Variants in SORCS1 observed in about 807,000 individuals in gnomAD.
SORCS1 encodes VPS10 domain-containing receptor SorCS1.
Under a neutral mutation model 146.1 loss-of-function variants are expected in SORCS1, and 60 were observed. That is an observed-to-expected ratio of 0.41 (90% CI 0.33 to 0.51). SORCS1 has a LOEUF of 0.51. Among genes scored for constraint, SORCS1 ranks in the 20% least tolerant of loss-of-function variants. The probability of loss-of-function intolerance (pLI) is 0.21; values close to 1 mark genes in which losing one functional copy is unlikely to be tolerated. For synonymous variants in SORCS1, 637 were observed against 584.0 expected, an observed-to-expected ratio of 1.09 and a Z score of -1.31; for missense variants, 1,352 against 1,487.6, an observed-to-expected ratio of 0.91 and a Z score of 1.50.
chr10:107,163,649 TAGG>T (rs1384589138), intron 1 of SORCS1, among the ~76,000 whole-genome samples: 8 of 152,172 alleles, frequency 5.3e-5, no homozygotes, highest in African/African-American at 1.7e-4. Flanking sequence ...ATCTCTGTAT[TAGG>T]AGAACTTTAA....
At chr10:106,998,021 C>T (rs1225989431) in intron 1 of SORCS1, among the ~76,000 whole-genome samples, 1 of 152,190 alleles carries the variant, frequency 6.6e-6, no homozygotes, top group African/African-American at 2.4e-5. Flanking sequence ...AAGGAGAAGA[C>T]CTCACTTAAA....
chr10:106,925,932 C>A (rs1952992461), intron 2 of SORCS1, among the ~76,000 whole-genome samples: 1 of 151,936 alleles, frequency 6.6e-6, no homozygotes, highest in Admixed American at 6.6e-5. Context: ...TGTGTATAAA[C>A]AATTTATGAA....
intron 6 of SORCS1, among the ~76,000 whole-genome samples, chr10:106,718,741 A>C (rs2135919884): frequency 6.6e-6 from 1 of 152,226 alleles, no homozygotes; most frequent in South Asian, 2.1e-4. Context: ...GTTTTTACAG[A>C]GTGCTGATTG....
chr10:106,823,649 G>A (rs1246345967), intron 3 of SORCS1, among the ~76,000 whole-genome samples: 2 of 152,198 alleles, frequency 1.3e-5, no homozygotes, highest in Admixed American at 1.3e-4. Context: ...GGGAGTATTA[G>A]ACATGGTCAA....
chr10:107,050,863 T>C (rs759347219), intron 1 of SORCS1, among the ~76,000 whole-genome samples: 8 of 152,150 alleles, frequency 5.3e-5, no homozygotes, highest in Non-Finnish European at 1.0e-4. Flanking sequence ...TCAGGCATCA[T>C]CCCTCCCTCC....
intron 18 of SORCS1, among the ~76,000 whole-genome samples, chr10:106,642,477 C>G (rs886979082): frequency 6.6e-6 from 1 of 152,138 alleles, no homozygotes; most frequent in Non-Finnish European, 1.5e-5. Flanking sequence ...GGGCAAGACT[C>G]AGGCACTATT....
chr10:106,944,308 C>T (rs536964308), intron 2 of SORCS1, among the ~76,000 whole-genome samples: 1 of 152,332 alleles, frequency 6.6e-6, no homozygotes, highest in South Asian at 2.1e-4. Context: ...CACACACAGA[C>T]TGTATTGTGA....
intron 22 of SORCS1, among the ~76,000 whole-genome samples, chr10:106,609,849 C>T (rs1047224362): frequency 3.9e-5 from 6 of 152,166 alleles, no homozygotes; most frequent in Non-Finnish European, 7.4e-5. Flanking sequence ...CTGGACATTG[C>T]TGAGCTAGTG....
intron 1 of SORCS1, among the ~76,000 whole-genome samples, chr10:107,144,452 G>A (rs991306016): frequency 1.4e-4 from 21 of 152,200 alleles, no homozygotes; most frequent in African/African-American, 4.8e-4. Flanking sequence ...CCTTCCTCCT[G>A]TAACTCTTTG....
chr10:107,041,235 G>C (rs907224577), intron 1 of SORCS1, among the ~76,000 whole-genome samples: 2 of 152,030 alleles, frequency 1.3e-5, no homozygotes, highest in African/African-American at 4.8e-5. Context: ...CCCACATAGT[G>C]ATTTACCCAG....
At chr10:106,919,674 A>G (rs1952611304) in intron 2 of SORCS1, among the ~76,000 whole-genome samples, 1 of 152,226 alleles carries the variant, frequency 6.6e-6, no homozygotes, top group African/African-American at 2.4e-5. Context: ...AAACTACTCA[A>G]AAGCATTGGA....
At chr10:106,688,717 C>A (rs1355547704) in intron 9 of SORCS1, among the ~76,000 whole-genome samples, 2 of 152,124 alleles carry the variant, frequency 1.3e-5, no homozygotes, top group African/African-American at 4.8e-5. Flanking sequence ...GCACCCAGAT[C>A]TCACTTAATC....
chr10:106,682,910 A>G (rs11193011), intron 10 of SORCS1, among the ~76,000 whole-genome samples: 1,562 of 152,336 alleles, frequency 0.01, 32 homozygotes, highest in African/African-American at 0.036. Context: ...GGACAGAATG[A>G]CCAGCACACA....
At chr10:106,922,692 T>G (rs1952769925) in intron 2 of SORCS1, among the ~76,000 whole-genome samples, 1 of 152,136 alleles carries the variant, frequency 6.6e-6, no homozygotes, top group Non-Finnish European at 1.5e-5. Context: ...AACACTGACC[T>G]ATTATTATCG....
rs1039776030 is a variant in SORCS1, at chr10:106,575,331, A to C, written c.*2089T>G. 2.6e-5 allele frequency: 4 copies of C among 152,278 alleles called. No homozygotes were observed. The highest frequency in any genetic ancestry group is 2.0e-4 in the Admixed American group (3 of 15,284). 9.4% of individuals were successfully genotyped at this position (152,278 alleles called of 1,614,324 possible). A position where few individuals can be genotyped will look rare whatever the true frequency, so the allele number is the denominator to read the frequency against. On this transcript the variant is annotated 3_prime_UTR_variant, in exon 26 of 26. Transcript: ENST00000263054. ...ACAAACTTCTGACAGCAGCTTTGCT[A>C]TTCTTTCTGTGCCTGAACTACATGA...
intron 1 of SORCS1, among the ~76,000 whole-genome samples, chr10:107,159,196 T>C (rs1266709004): frequency 6.6e-6 from 1 of 152,148 alleles, no homozygotes; most frequent in Admixed American, 6.5e-5. Flanking sequence ...AGGAAGAACC[T>C]TGTGAAATAA....
At chr10:106,989,441 C>CA (rs935613236) in intron 1 of SORCS1, among the ~76,000 whole-genome samples, 2 of 151,946 alleles carry the variant, frequency 1.3e-5, no homozygotes, top group African/African-American at 2.4e-5. Flanking sequence ...TAGCCATCTT[C>CA]AAGCATGATC....
chr10:107,056,350 C>T (rs1265804158), intron 1 of SORCS1, among the ~76,000 whole-genome samples: 3 of 152,164 alleles, frequency 2.0e-5, no homozygotes, highest in Admixed American at 6.5e-5. Context: ...GCATGAAGCA[C>T]GATCACTGCC....
chr10:106,889,888 T>TTAAAAAAAAAA, intron 2 of SORCS1, among the ~76,000 whole-genome samples: 1 of 71,668 alleles, frequency 1.4e-5, no homozygotes, highest in East Asian at 4.3e-4. Flanking sequence ...ACGTCTCAAA[T>TTAAAAAAAAAA]AAAAAAAAAA....
Sources: allele counts gnomAD v4.1 joint callset (sites outside exome capture counted in the v4.1 genomes callset), GRCh38; gene constraint gnomAD v4.1.1; transcripts MANE v1.5; gene names NCBI Gene and HGNC (gene_info 2026-07-23, HGNC 2026-07-21).